The following SH3GL2 variants were observed in gnomAD, a reference collection of about 807,000 sequenced individuals.
The protein encoded by SH3GL2 is endophilin-A1.
In SH3GL2, 24 loss-of-function variants were observed where a neutral mutation model predicts 46.0. That is an observed-to-expected ratio of 0.52 (90% CI 0.38 to 0.73). The LOEUF (loss-of-function observed/expected upper bound fraction) is 0.73, where lower values mean the gene tolerates loss of function less well. Ranked by LOEUF, SH3GL2 falls within the 30% of genes least tolerant of loss-of-function variation. The probability of loss-of-function intolerance (pLI) is 0.00; values close to 1 mark genes in which losing one functional copy is unlikely to be tolerated. For synonymous variants in SH3GL2, 196 were observed against 147.1 expected (o/e 1.33, Z -2.40); for missense variants, 413 against 424.2 (o/e 0.97, Z 0.23).
intron 3 of SH3GL2, among the ~76,000 whole-genome samples, chr9:17,778,575 T>G (rs114127304): frequency 0.014 from 2,121 of 152,200 alleles, 59 homozygotes; most frequent in African/African-American, 0.048. Context: ...CACATTAAAG[T>G]GCTTTGGGGA....
At chr9:17,640,927 G>A (rs1819665432) in intron 1 of SH3GL2, among the ~76,000 whole-genome samples, 1 of 152,082 alleles carries the variant, frequency 6.6e-6, no homozygotes, top group Non-Finnish European at 1.5e-5. Context: ...GATTTCTAGG[G>A]AAGAATGTAA....
chr9:17,776,906 G>T (rs1823655771), intron 3 of SH3GL2, among the ~76,000 whole-genome samples: 1 of 152,100 alleles, frequency 6.6e-6, no homozygotes, highest in African/African-American at 2.4e-5. Context: ...TGGAAAAAGA[G>T]GCTCACACTT....
chr9:17,765,667 G>T (rs1017275871), intron 3 of SH3GL2, among the ~76,000 whole-genome samples: 59 of 152,112 alleles, frequency 3.9e-4, no homozygotes, highest in Non-Finnish European at 8.8e-5. Context: ...AGCTCCCTCG[G>T]GTCCAGCGTA....
intron 1 of SH3GL2, among the ~76,000 whole-genome samples, chr9:17,602,140 A>G (rs1358672554): frequency 1.3e-5 from 2 of 152,174 alleles, no homozygotes; most frequent in African/African-American, 2.4e-5. Flanking sequence ...AAGAGTGACA[A>G]TCAGACGTCT....
chr9:17,706,889 T>C (rs1421047967), intron 1 of SH3GL2, among the ~76,000 whole-genome samples: 2 of 152,018 alleles, frequency 1.3e-5, no homozygotes, highest in Admixed American at 1.3e-4. Flanking sequence ...GGGTTTTACC[T>C]CAACAAAATA....
intron 1 of SH3GL2, among the ~76,000 whole-genome samples, chr9:17,583,974 A>G (rs535679289): frequency 1.3e-5 from 2 of 151,954 alleles, no homozygotes; most frequent in East Asian, 3.9e-4. Flanking sequence ...TAAGCAGTCA[A>G]CTCTCTGCTG....
intron 1 of SH3GL2, among the ~76,000 whole-genome samples, chr9:17,729,827 T>G (rs1822123449): frequency 6.6e-6 from 1 of 152,182 alleles, no homozygotes; most frequent in African/African-American, 2.4e-5. Flanking sequence ...ATATATCTGT[T>G]TTGGTATGAG....
chr9:17,598,910 A>C (rs990961091), intron 1 of SH3GL2, among the ~76,000 whole-genome samples: 4 of 152,336 alleles, frequency 2.6e-5, no homozygotes, highest in African/African-American at 9.6e-5. Flanking sequence ...TGACACTGGC[A>C]GTCCATCCTT....
intron 1 of SH3GL2, chr9:17,589,340 T>C (rs923754831): frequency 6.6e-6 from 1 of 152,202 alleles, no homozygotes; most frequent in African/African-American, 2.4e-5. Context: ...CATGTGCCTT[T>C]TTAATATATT....
intron 1 of SH3GL2, among the ~76,000 whole-genome samples, chr9:17,616,781 C>T (rs1472291982): frequency 6.6e-6 from 1 of 151,940 alleles, no homozygotes; most frequent in African/African-American, 2.4e-5. Context: ...TAGATTTTTG[C>T]ATCTTATTGT....
chr9:17,677,623 G>GGT (rs902014768), intron 1 of SH3GL2, among the ~76,000 whole-genome samples: 3 of 130,364 alleles, frequency 2.3e-5, no homozygotes, highest in African/African-American at 1.2e-4. Context: ...TAAATTGTAT[G>GGT]GTATATATAT....
intron 1 of SH3GL2, among the ~76,000 whole-genome samples, chr9:17,650,985 T>C (rs1290661994): frequency 8.2e-6 from 1 of 121,606 alleles, no homozygotes; most frequent in Non-Finnish European, 1.8e-5. Context: ...CCCTTTTCCT[T>C]GTGTGTGTGT....
At position 17,719,639 on chromosome 9, in the gene SH3GL2, A is replaced by G. The variant is rs146486702; in HGVS notation, c.46-27427A>G. Among the ~76,000 whole-genome samples, 187 of 152,184 alleles carry G rather than the reference A, an allele frequency of 1.2e-3. 6 individuals are homozygous for G. In the East Asian group the frequency reaches 0.027, roughly 22 times the overall value. ...ACCCTGTCTCTACCAAAAAATAAAA[A>G]AAATTTATCTTGGCATGGTGGCATG... On this transcript the variant is annotated intron_variant, in intron 1 of 8. Coordinates refer to ENST00000380607, the MANE Select transcript of SH3GL2 (RefSeq NM_003026.5).
chr9:17,731,396 G>C (rs1443015370), intron 1 of SH3GL2, among the ~76,000 whole-genome samples: 2 of 151,468 alleles, frequency 1.3e-5, no homozygotes, highest in Admixed American at 6.6e-5. Context: ...AAGAGGAAAA[G>C]GGAGGGAGGT....
chr9:17,709,798 C>T (rs1821571247), intron 1 of SH3GL2, among the ~76,000 whole-genome samples: 1 of 151,710 alleles, frequency 6.6e-6, no homozygotes, highest in Non-Finnish European at 1.5e-5. Context: ...GCCAAACTGA[C>T]ATTTATTCAA....
chr9:17,648,209 G>A (rs1819873632), intron 1 of SH3GL2, among the ~76,000 whole-genome samples: 1 of 152,102 alleles, frequency 6.6e-6, no homozygotes, highest in Non-Finnish European at 1.5e-5. Context: ...CTACACAAGG[G>A]GATTGATGTC....
chr9:17,778,533 G>A (rs1823709999), intron 3 of SH3GL2, among the ~76,000 whole-genome samples: 1 of 152,074 alleles, frequency 6.6e-6, no homozygotes, highest in African/African-American at 2.4e-5. Context: ...CCATTGTTGG[G>A]ACTTTGATTC....
At chr9:17,640,414 G>A (rs1479464791) in intron 1 of SH3GL2, among the ~76,000 whole-genome samples, 1 of 151,352 alleles carries the variant, frequency 6.6e-6, no homozygotes, top group Non-Finnish European at 1.5e-5. Flanking sequence ...TTTTTCCAAG[G>A]GCATTATTTC....
chr9:17,584,296 T>A (rs1329725785), intron 1 of SH3GL2, among the ~76,000 whole-genome samples: 1 of 151,796 alleles, frequency 6.6e-6, no homozygotes, highest in Non-Finnish European at 1.5e-5. Context: ...AGGTCAGGAG[T>A]TCAAAACCGG....
Sources: gnomAD v4.1 joint callset for allele counts (sites outside exome capture counted in the v4.1 genomes callset) on GRCh38, gnomAD v4.1.1 for gene constraint, MANE v1.5 for transcripts, NCBI Gene and HGNC (gene_info 2026-07-23, HGNC 2026-07-21) for gene names.